Variants in EXT1 observed in about 807,000 individuals in gnomAD.
The protein encoded by EXT1 is exostosin glycosyltransferase 1.
In EXT1, 20 loss-of-function variants were observed where a neutral mutation model predicts 82.5. The ratio of observed to expected loss-of-function variants is 0.24; its 90% CI spans 0.17 to 0.35. EXT1 has a LOEUF of 0.35. Ranked by LOEUF, EXT1 falls within the 10% of genes least tolerant of loss-of-function variation. The probability of loss-of-function intolerance (pLI) is 1.00; values close to 1 mark genes in which losing one functional copy is unlikely to be tolerated. For synonymous variants in EXT1, 348 were observed against 350.8 expected (o/e 0.99, Z 0.09); for missense variants, 757 against 936.5 (o/e 0.81, Z 2.50).
intron 1 of EXT1, among the ~76,000 whole-genome samples, chr8:118,057,510 C>T (rs769001561): frequency 2.0e-5 from 3 of 151,650 alleles, no homozygotes; most frequent in African/African-American, 7.3e-5. Flanking sequence ...GGCCATGGCA[C>T]TCCAGCATGG....
chr8:118,088,579 C>A (rs1817469233), intron 1 of EXT1, among the ~76,000 whole-genome samples: 2 of 151,602 alleles, frequency 1.3e-5, no homozygotes, highest in Admixed American at 6.6e-5. Context: ...TCTTCCTGAC[C>A]CCAAAAAAAT....
intron 1 of EXT1, among the ~76,000 whole-genome samples, chr8:117,883,972 C>T (rs977039886): frequency 6.6e-6 from 1 of 152,198 alleles, no homozygotes; most frequent in Non-Finnish European, 1.5e-5. Flanking sequence ...ACCCTCTCAA[C>T]CAGCTTATGA....
chr8:117,817,394 C>G (rs950923130), intron 7 of EXT1, among the ~76,000 whole-genome samples: 6 of 152,160 alleles, frequency 3.9e-5, no homozygotes, highest in Non-Finnish European at 8.8e-5. Context: ...GAGCCACTCT[C>G]TTATGACCTG....
chr8:118,067,356 G>C (rs1460865686), intron 1 of EXT1, among the ~76,000 whole-genome samples: 1 of 152,232 alleles, frequency 6.6e-6, no homozygotes, highest in African/African-American at 2.4e-5. Flanking sequence ...GCATAGCTTG[G>C]ACTAGCTGAA....
chr8:118,038,435 A>T (rs80137276), intron 1 of EXT1, among the ~76,000 whole-genome samples: 1 of 152,204 alleles, frequency 6.6e-6, no homozygotes, highest in Admixed American at 6.5e-5. Flanking sequence ...ATGACCTCCA[A>T]GCATCTGACT....
intron 1 of EXT1, among the ~76,000 whole-genome samples, chr8:117,902,092 G>A (rs1813460859): frequency 6.6e-6 from 1 of 151,542 alleles, no homozygotes; most frequent in Admixed American, 6.6e-5. Context: ...AGCCTACACA[G>A]GGTCAGAATC....
At chr8:117,963,853 C>T (rs1290628058) in intron 1 of EXT1, among the ~76,000 whole-genome samples, 1 of 152,144 alleles carries the variant, frequency 6.6e-6, no homozygotes, top group Admixed American at 6.6e-5. Context: ...TCTAAAAATG[C>T]TCCTGCTAAC....
rs529398646 is a variant in EXT1 at position 118,087,969 on chromosome 8, G to A, written c.962+22116C>T. Among the ~76,000 whole-genome samples, 985 of 145,110 alleles carry A rather than the reference G, an allele frequency of 6.8e-3. 5 individuals are homozygous for A. The highest frequency in any genetic ancestry group is 0.023 in the Middle Eastern group (6 of 264). The stretch of plus-strand genomic sequence containing the variant: ...AAAAAAAAAAAAAAAAATCCTACAA[G>A]TGCCTCTGTGAAGAGAACTGCTTTT... On this transcript the variant is annotated intron_variant, in intron 1 of 10. Transcript: ENST00000378204.
rs61249983 is a variant in EXT1 at position 117,874,575 on chromosome 8, C to CAAAA, written c.963-37378_963-37375dup. ...TAGGCAACAAAGTGAGACTCTGCCT[C>CAAAA]AAAAAAAAAAAAAAAAAAGAACAAT... On this transcript the variant is annotated intron_variant, in intron 1 of 10. Coordinates refer to ENST00000378204, the MANE Select transcript of EXT1 (RefSeq NM_000127.3). Among the ~76,000 whole-genome samples, 93 of 69,722 alleles carry CAAAA rather than the reference C, an allele frequency of 1.3e-3. 3 individuals are homozygous for CAAAA. The highest frequency in any genetic ancestry group is 8.2e-3 in the Middle Eastern group (1 of 122). 45.7% of individuals were successfully genotyped at this position (69,722 alleles called of 152,430 possible).
chr8:117,968,919 T>C (rs1814884552), intron 1 of EXT1, among the ~76,000 whole-genome samples: 1 of 152,204 alleles, frequency 6.6e-6, no homozygotes, highest in South Asian at 2.1e-4. Flanking sequence ...CTACCTATTG[T>C]ATACAGCTCT....
intron 1 of EXT1, among the ~76,000 whole-genome samples, chr8:117,909,735 A>G (rs1813610022): frequency 6.6e-6 from 1 of 151,854 alleles, no homozygotes; most frequent in Non-Finnish European, 1.5e-5. Flanking sequence ...ATTTCCTGGA[A>G]ATCCTGCTGC....
At chr8:117,946,371 A>G (rs1446032054) in intron 1 of EXT1, among the ~76,000 whole-genome samples, 1 of 110,558 alleles carries the variant, frequency 9.0e-6, no homozygotes, top group Non-Finnish European at 2.3e-5. Context: ...TTTTTACTTT[A>G]TGTCAACGCT....
At chr8:118,023,698 C>T (rs2129862681) in intron 1 of EXT1, among the ~76,000 whole-genome samples, 1 of 152,248 alleles carries the variant, frequency 6.6e-6, no homozygotes, top group Admixed American at 6.5e-5. Context: ...CAAAGATTAA[C>T]ACTAAAGAGG....
intron 1 of EXT1, among the ~76,000 whole-genome samples, chr8:118,015,790 C>T (rs1305164561): frequency 6.6e-6 from 1 of 152,220 alleles, no homozygotes; most frequent in Non-Finnish European, 1.5e-5. Flanking sequence ...TCACCCCAGC[C>T]TGGAGTGGGG....
intron 1 of EXT1, among the ~76,000 whole-genome samples, chr8:117,904,842 GA>G (rs58693626): frequency 0.052 from 7,590 of 145,394 alleles, 621 homozygotes; most frequent in African/African-American, 0.17. Flanking sequence ...AGAGAAATTG[GA>G]AAAAAAAAAG....
chr8:117,945,629 G>A (rs770051222), intron 1 of EXT1, among the ~76,000 whole-genome samples: 10 of 152,050 alleles, frequency 6.6e-5, no homozygotes, highest in Non-Finnish European at 1.0e-4. Context: ...AGCCTCCGGA[G>A]TAGCTGAGAT....
At chr8:117,903,532 G>A (rs183378758) in intron 1 of EXT1, among the ~76,000 whole-genome samples, 7 of 152,222 alleles carry the variant, frequency 4.6e-5, no homozygotes, top group South Asian at 4.1e-4. Context: ...TAAAACACAC[G>A]TACATTTAAA....
intron 1 of EXT1, among the ~76,000 whole-genome samples, chr8:118,082,466 A>G (rs761648650): frequency 6.6e-6 from 1 of 152,164 alleles, no homozygotes; most frequent in Non-Finnish European, 1.5e-5. Context: ...GAAAATTCTA[A>G]ATTTATTTTC....
At chr8:118,086,648 A>G (rs968265975) in intron 1 of EXT1, among the ~76,000 whole-genome samples, 2 of 152,210 alleles carry the variant, frequency 1.3e-5, no homozygotes, top group Non-Finnish European at 2.9e-5. Flanking sequence ...TGAAGGGAGA[A>G]ACCGAGAATC....
Sources: gnomAD v4.1 joint callset for allele counts (sites outside exome capture counted in the v4.1 genomes callset) on GRCh38, gnomAD v4.1.1 for gene constraint, MANE v1.5 for transcripts, NCBI Gene and HGNC (gene_info 2026-07-23, HGNC 2026-07-21) for gene names.